IGF2BP3: variants seen among roughly 807,000 people sequenced by gnomAD.
IGF2BP3 encodes insulin like growth factor 2 mRNA binding protein 3, also known as insulin-like growth factor 2 mRNA-binding protein 3.
In IGF2BP3, 9 loss-of-function variants were observed where a neutral mutation model predicts 73.8. The observed-to-expected ratio is 0.12, with a 90% CI of 0.07 to 0.21. IGF2BP3 has a LOEUF of 0.21. Ranked by LOEUF, IGF2BP3 falls within the 10% of genes least tolerant of loss-of-function variation. The pLI is 1.00. For missense variants in IGF2BP3, 542 were observed against 714.0 expected (o/e 0.76, Z 2.75); for synonymous variants, 258 against 256.7 (o/e 1.01, Z -0.05).
intron 2 of IGF2BP3, among the ~76,000 whole-genome samples, chr7:23,444,835 A>G (rs1467900137): frequency 6.6e-6 from 1 of 152,104 alleles, no homozygotes; most frequent in African/African-American, 2.4e-5. Flanking sequence ...TCTGAGGCCG[A>G]AGGAGGAGGA....
At chr7:23,341,695 G>A (rs1784716386) in intron 10 of IGF2BP3, among the ~76,000 whole-genome samples, 1 of 151,356 alleles carries the variant, frequency 6.6e-6, no homozygotes, top group African/African-American at 2.4e-5. Context: ...AACCACCATG[G>A]CACATGTATA....
chr7:23,350,573 C>T (rs274053), intron 6 of IGF2BP3, among the ~76,000 whole-genome samples: 21,872 of 152,242 alleles, frequency 0.14, 4,073 homozygotes, highest in African/African-American at 0.43. Context: ...TGCATGAGAA[C>T]TGAGAAGTAT....
At chr7:23,312,962 C>T in intron 13 of IGF2BP3, 114 bp from the exon 14 acceptor site, 3 of 638,412 alleles carry the variant, frequency 4.7e-6, no homozygotes, top group Non-Finnish European at 8.3e-6. Context: ...TTCATTTAAT[C>T]CAGTGGTAAT....
chr7:23,384,484 A>G (rs1389492455), intron 3 of IGF2BP3, among the ~76,000 whole-genome samples: 1 of 152,192 alleles, frequency 6.6e-6, no homozygotes, highest in African/African-American at 2.4e-5. Context: ...ACAAAGTCCT[A>G]TTTATAAGAA....
intron 10 of IGF2BP3, among the ~76,000 whole-genome samples, chr7:23,339,260 C>T (rs971345512): frequency 2.0e-5 from 3 of 152,158 alleles, no homozygotes; most frequent in Admixed American, 1.3e-4. Flanking sequence ...TAAACATCAC[C>T]GACCTCCTCC....
chr7:23,424,202 G>A (rs1475140513), intron 2 of IGF2BP3, among the ~76,000 whole-genome samples: 3 of 146,904 alleles, frequency 2.0e-5, no homozygotes, highest in African/African-American at 7.5e-5. Flanking sequence ...CAGGCTAATA[G>A]ATTAAAAATT....
At chr7:23,409,227 TG>T (rs1284315573) in intron 3 of IGF2BP3, among the ~76,000 whole-genome samples, 2 of 152,246 alleles carry the variant, frequency 1.3e-5, no homozygotes, top group Non-Finnish European at 2.9e-5. Context: ...GTCTGAGGCC[TG>T]GGGGTTAGGG....
chr7:23,458,690 A>G (rs886733370), intron 2 of IGF2BP3, among the ~76,000 whole-genome samples: 1 of 152,202 alleles, frequency 6.6e-6, no homozygotes, highest in African/African-American at 2.4e-5. Flanking sequence ...TGAAACAAAA[A>G]AAGTCTCATT....
chr7:23,343,816 T>C lies in IGF2BP3; in HGVS notation c.979A>G (p.Ile327Val), dbSNP rs781122825. Reference protein sequence around the residue: ...ELTLYNPERTITVKGNVETCA... With the variant: ...ELTLYNPERTVTVKGNVETCA... Reference sequence around the variant, plus strand: ...GTCTCAACATTGCCTTTAACTGTAATAGTGCGTTCTGGATTATACAGCGTC... The same window carrying C: ...GTCTCAACATTGCCTTTAACTGTAACAGTGCGTTCTGGATTATACAGCGTC... The change falls in exon 9 of 15, where the codon ATT becomes GTT. Residue 327 changes from isoleucine (I) to valine (V), a missense_variant. This residue lies in a region of IGF2BP3 where 303 missense variants were observed against 472.1 expected (regional missense o/e 0.64). Coordinates refer to ENST00000258729, the MANE Select transcript of IGF2BP3 (RefSeq NM_006547.3). 12 of 1,612,844 alleles carry C rather than the reference T, an allele frequency of 7.4e-6. No homozygotes were observed. In the Admixed American group the frequency reaches 1.8e-4, roughly 25 times the overall value.
At chr7:23,439,541 C>T (rs1787882066) in intron 2 of IGF2BP3, among the ~76,000 whole-genome samples, 1 of 118,946 alleles carries the variant, frequency 8.4e-6, no homozygotes, top group Non-Finnish European at 1.6e-5. Flanking sequence ...TGGGAGACAA[C>T]GAGACTCCGT....
At chr7:23,363,899 C>T (rs1030804862) in intron 3 of IGF2BP3, among the ~76,000 whole-genome samples, 4 of 152,190 alleles carry the variant, frequency 2.6e-5, no homozygotes, top group Non-Finnish European at 5.9e-5. Flanking sequence ...AAACCTCTCA[C>T]GTTGCCATTC....
intron 2 of IGF2BP3, among the ~76,000 whole-genome samples, chr7:23,441,430 G>T (rs752875105): frequency 1.3e-5 from 2 of 151,852 alleles, no homozygotes; most frequent in Non-Finnish European, 2.9e-5. Flanking sequence ...AAAATTAGCT[G>T]GGCTTGGTGG....
intron 8 of IGF2BP3, among the ~76,000 whole-genome samples, chr7:23,345,123 G>C (rs1473613006): frequency 6.6e-6 from 1 of 152,118 alleles, no homozygotes; most frequent in Non-Finnish European, 1.5e-5. Flanking sequence ...ACACCGTGCA[G>C]TCTTTCCCCT....
intron 10 of IGF2BP3, among the ~76,000 whole-genome samples, chr7:23,328,999 G>A (rs754429317): frequency 2.6e-5 from 4 of 152,118 alleles, no homozygotes; most frequent in South Asian, 2.1e-4. Context: ...CACGAGGTCC[G>A]GAGATCGAGA....
At chr7:23,459,598 C>T (rs916740949) in intron 2 of IGF2BP3, among the ~76,000 whole-genome samples, 1 of 151,868 alleles carries the variant, frequency 6.6e-6, no homozygotes, top group East Asian at 1.9e-4. Context: ...TTTGGGAGGC[C>T]GAGGTGGGCA....
At chr7:23,357,070 C>T (rs1357943089) in intron 5 of IGF2BP3, among the ~76,000 whole-genome samples, 1 of 152,114 alleles carries the variant, frequency 6.6e-6, no homozygotes, top group Non-Finnish European at 1.5e-5. Flanking sequence ...AGTGGTTATC[C>T]CTGAATGGCA....
chr7:23,315,787 G>C (rs1783973715), intron 12 of IGF2BP3, among the ~76,000 whole-genome samples: 1 of 152,174 alleles, frequency 6.6e-6, no homozygotes, highest in South Asian at 2.1e-4. Flanking sequence ...ATACGGGGTA[G>C]GTGGTTTACC....
intron 3 of IGF2BP3, among the ~76,000 whole-genome samples, chr7:23,377,086 A>G (rs1583959051): frequency 6.6e-6 from 1 of 152,196 alleles, no homozygotes; most frequent in Non-Finnish European, 1.5e-5. Flanking sequence ...GAGTCCAATT[A>G]CATAATGTTT....
intron 3 of IGF2BP3, among the ~76,000 whole-genome samples, chr7:23,402,951 T>C (rs1786713039): frequency 1.3e-5 from 2 of 152,198 alleles, no homozygotes; most frequent in African/African-American, 4.8e-5. Flanking sequence ...AGTCTTTTAC[T>C]AATATTTGAT....
Sources: gnomAD v4.1 joint callset for allele counts (sites outside exome capture counted in the v4.1 genomes callset) on GRCh38, gnomAD v4.1.1 for gene constraint, gnomAD v4.1.1 regional missense constraint, MANE v1.5 for transcripts, NCBI Gene and HGNC (gene_info 2026-07-23, HGNC 2026-07-21) for gene names.